The following GPATCH8 variants were observed in gnomAD, a reference collection of about 807,000 sequenced individuals.
GPATCH8 encodes G patch domain-containing protein 8.
Under a neutral mutation model 118.3 loss-of-function variants are expected in GPATCH8, and 18 were observed. The ratio of observed to expected loss-of-function variants is 0.15; its 90% CI spans 0.11 to 0.23. The LOEUF is 0.23. Among genes scored for constraint, GPATCH8 ranks in the 10% least tolerant of loss-of-function variants. The probability of loss-of-function intolerance (pLI) is 1.00; values close to 1 mark genes in which losing one functional copy is unlikely to be tolerated. For missense variants in GPATCH8, 1,631 were observed against 1,873.8 expected (o/e 0.87, Z 2.39); for synonymous variants, 659 against 684.7 (o/e 0.96, Z 0.59).
intron 3 of GPATCH8, among the ~76,000 whole-genome samples, chr17:44,459,655 T>G (rs889091164): frequency 1.3e-5 from 2 of 151,962 alleles, no homozygotes; most frequent in African/African-American, 4.8e-5. Flanking sequence ...CATACTTAAT[T>G]TAAGTATGAA....
At chr17:44,458,462 A>G (rs2051422071) in intron 3 of GPATCH8, among the ~76,000 whole-genome samples, 1 of 152,100 alleles carries the variant, frequency 6.6e-6, no homozygotes, top group Non-Finnish European at 1.5e-5. Flanking sequence ...CTATAATGAG[A>G]TATTACAGAT....
chr17:44,479,886 G>C (rs1968076392), intron 1 of GPATCH8, among the ~76,000 whole-genome samples: 1 of 151,568 alleles, frequency 6.6e-6, no homozygotes, highest in Non-Finnish European at 1.5e-5. Flanking sequence ...AGAACTGCTT[G>C]AACCCAGGAG....
At chr17:44,443,169 G>A (rs1186563749) in intron 3 of GPATCH8, among the ~76,000 whole-genome samples, 3 of 152,114 alleles carry the variant, frequency 2.0e-5, no homozygotes, top group East Asian at 3.8e-4. Context: ...TTCTTTTTAA[G>A]TAATGCAAAT....
At chr17:44,457,368 CAT>C (rs1429620368) in intron 3 of GPATCH8, among the ~76,000 whole-genome samples, 1 of 152,140 alleles carries the variant, frequency 6.6e-6, no homozygotes, top group Non-Finnish European at 1.5e-5. Flanking sequence ...TCTCTCTCAA[CAT>C]ATTTTTTGGC....
At chr17:44,411,309 TTGAG>T (rs1197785631) in intron 6 of GPATCH8, among the ~76,000 whole-genome samples, 1 of 152,166 alleles carries the variant, frequency 6.6e-6, no homozygotes, top group Non-Finnish European at 1.5e-5. Flanking sequence ...TGTGATTGAG[TTGAG>T]TAAGACACAC....
chr17:44,482,439 T>C (rs899091511), intron 1 of GPATCH8, among the ~76,000 whole-genome samples: 1 of 151,578 alleles, frequency 6.6e-6, no homozygotes, highest in South Asian at 2.1e-4. Context: ...CCGGGTGTGG[T>C]GGCGGGCGCC....
At chr17:44,493,343 G>C (rs979650671) in intron 1 of GPATCH8, among the ~76,000 whole-genome samples, 1 of 152,094 alleles carries the variant, frequency 6.6e-6, no homozygotes, top group Non-Finnish European at 1.5e-5. Flanking sequence ...TTACAGGCAC[G>C]AGCCCCCACG....
At position 44,398,943 on chromosome 17, in the gene GPATCH8, T is replaced by A. The variant is rs763274652; in HGVS notation, c.3134A>T (p.Glu1045Val). The A allele has an allele frequency of 6.2e-7, 1 of 1,614,080 alleles. No homozygotes were observed. The highest frequency in any genetic ancestry group is 8.5e-7 in the Non-Finnish European group (1 of 1,180,004). Residue 1045 changes from glutamate (E) to valine (V), a missense_variant, in exon 8 of 8, where the codon GAA becomes GTA. Physicochemically the swap from Glu to Val is moderately radical, Grantham distance 121. Coordinates refer to ENST00000591680, the MANE Select transcript of GPATCH8 (RefSeq NM_001002909.4). ...SPHYFRSGRG[E>V]GPGKKDDGRG... The stretch of plus-strand genomic sequence containing the variant: ...GCCATCATCTTTCTTCCCAGGACCT[T>A]CTCCCCGGCCTGATCGGAAATAGTG...
At chr17:44,498,391 C>T (rs1307776562) in intron 1 of GPATCH8, among the ~76,000 whole-genome samples, 1 of 152,148 alleles carries the variant, frequency 6.6e-6, no homozygotes, top group African/African-American at 2.4e-5. Context: ...CTTCCCAACC[C>T]CAATCTTTCC....
Position 44,396,709 on chromosome 17 carries a change from GAACCTTTTTTATATGA to G in GPATCH8, c.*843_*858del. On this transcript the variant is annotated 3_prime_UTR_variant, in exon 8 of 8. Transcript: ENST00000591680. Reference sequence around the variant, plus strand: ...ATTATTGCAGTATACTACAAATATGGAACCTTTTTTATATGAGCTACAAAAAGCAGCATTTACGTTT... The same window carrying G: ...ATTATTGCAGTATACTACAAATATGGGCTACAAAAAGCAGCATTTACGTTT... 2 of 445,504 alleles carry G rather than the reference GAACCTTTTTTATATGA, an allele frequency of 4.5e-6. No homozygotes were observed. The highest frequency in any genetic ancestry group is 1.6e-5 in the South Asian group (1 of 61,826). 27.6% of individuals were successfully genotyped at this position (445,504 alleles called of 1,614,324 possible).
chr17:44,440,432 T>C (rs1388254791), intron 3 of GPATCH8, among the ~76,000 whole-genome samples: 1 of 152,196 alleles, frequency 6.6e-6, no homozygotes, highest in Admixed American at 6.5e-5. Context: ...ACACATTTAT[T>C]TTTTAGAGAC....
intron 3 of GPATCH8, among the ~76,000 whole-genome samples, chr17:44,442,905 C>T (rs2050752499): frequency 6.6e-6 from 1 of 152,166 alleles, no homozygotes; most frequent in South Asian, 2.1e-4. Flanking sequence ...GAGCAAGACT[C>T]TGTCTCTCCA....
Position 44,503,345 on chromosome 17 carries a change from T to C in GPATCH8, c.26A>G (p.Asn9Ser), listed in dbSNP as rs1476289372. The C allele has an allele frequency of 1.3e-5, 21 of 1,611,144 alleles. No individual in the cohort carries two copies. The highest frequency in any genetic ancestry group is 2.2e-5 in the East Asian group (1 of 44,846). ...GTTTACCTGAAAGTCTCGGTCTTCG[T>C]TGAAGCGGGAGAAGCGGTCCGCCAT... MADRFSRF[N>S]EDRDFQGNHF... The change falls in exon 1 of 8, where the codon AAC becomes AGC. Residue 9 changes from asparagine to serine, a missense_variant. Transcript: ENST00000591680.
chr17:44,449,068 G>A (rs2051013975), intron 3 of GPATCH8, among the ~76,000 whole-genome samples: 1 of 152,112 alleles, frequency 6.6e-6, no homozygotes. Flanking sequence ...CTTAGGTTAG[G>A]AGTTCGAGAC....
rs747650422 is a variant in GPATCH8 at position 44,398,169 on chromosome 17, G to A, written c.3908C>T (p.Ala1303Val). Residue 1303 changes from alanine to valine, a missense_variant, in exon 8 of 8, where the codon GCC becomes GTC. Around this residue, in one of 8 missense-constraint regions of GPATCH8, gnomAD observed 922 missense variants for 879.7 expected, o/e 1.05. Coordinates refer to ENST00000591680, the MANE Select transcript of GPATCH8 (RefSeq NM_001002909.4). The stretch of plus-strand genomic sequence containing the variant: ...GGTGATGGGCTGGCTTTCCAGGGGG[G>A]CCAGTGAAGCATCCTCAGCCCCATC... ...STDGAEDASL[A>V]PLESQPITFT... 14 of 1,613,352 alleles carry A rather than the reference G, an allele frequency of 8.7e-6. No homozygotes were observed. Among genetic ancestry groups the A allele is most frequent in the Non-Finnish European group, 1.1e-5 (13 of 1,179,496 alleles).
At chr17:44,455,589 G>A (rs913146076) in intron 3 of GPATCH8, among the ~76,000 whole-genome samples, 2 of 151,632 alleles carry the variant, frequency 1.3e-5, no homozygotes, top group African/African-American at 4.9e-5. Context: ...CCAGACTCTA[G>A]ATCAATATTT....
chr17:44,399,800 G>C lies in GPATCH8; in HGVS notation c.2277C>G (p.Leu759=). 1 of 1,613,524 alleles carries C rather than the reference G, an allele frequency of 6.2e-7. No individual in the cohort carries two copies. The highest frequency in any genetic ancestry group is 8.5e-7 in the Non-Finnish European group (1 of 1,179,684). The part of the protein sequence containing the change: ...RAQDDSQRRS[L]PAEEGSSGKK... ...TGCCACTGCTCCCCTCTTCAGCTGGGAGGGATCTCCGCTGGGAGTCATCTT... is the reference window on the plus strand; with the variant it reads ...TGCCACTGCTCCCCTCTTCAGCTGGCAGGGATCTCCGCTGGGAGTCATCTT... Residue 759 remains leucine, a synonymous_variant, in exon 8 of 8, where the codon CTC becomes CTG. Transcript: ENST00000591680.
In GPATCH8 at chr17:44,406,071, G is replaced by T; in HGVS notation, c.493-20C>A. On this transcript the variant is annotated intron_variant, in intron 6 of 7. Coordinates refer to ENST00000591680, the MANE Select transcript of GPATCH8 (RefSeq NM_001002909.4). The stretch of plus-strand genomic sequence containing the variant: ...TAATCTCTGGGTTAAAAGAAAGAAA[G>T]ATACAGAGGGTGGATGATTTACAGT... 1.3e-6 allele frequency: 2 copies of T among 1,582,858 alleles called. No homozygotes were observed. The highest frequency in any genetic ancestry group is 1.7e-6 in the Non-Finnish European group (2 of 1,151,918).
chr17:44,417,462 GC>G (rs2049729086), intron 6 of GPATCH8, among the ~76,000 whole-genome samples: 1 of 152,054 alleles, frequency 6.6e-6, no homozygotes, highest in African/African-American at 2.4e-5. Flanking sequence ...CAAGTGATCT[GC>G]CCGCCTGAGT....
Sources: gnomAD v4.1 joint callset for allele counts (sites outside exome capture counted in the v4.1 genomes callset) on GRCh38, gnomAD v4.1.1 for gene constraint, gnomAD v4.1.1 regional missense constraint, MANE v1.5 for transcripts, NCBI Gene and HGNC (gene_info 2026-07-23, HGNC 2026-07-21) for gene names.